Variants in SLC25A12 observed in about 807,000 individuals in gnomAD.
SLC25A12 encodes the protein solute carrier family 25 member 12.
In SLC25A12, 32 loss-of-function variants were observed where a neutral mutation model predicts 83.3. That is an observed-to-expected ratio of 0.38 (90% CI 0.29 to 0.52). SLC25A12 has a LOEUF of 0.52. Ranked by LOEUF, SLC25A12 falls within the 20% of genes least tolerant of loss-of-function variation. SLC25A12 has a pLI of 0.84. For synonymous variants in SLC25A12, 267 were observed against 291.1 expected (o/e 0.92, Z 0.84); for missense variants, 611 against 835.6 (o/e 0.73, Z 3.31).
intron 4 of SLC25A12, among the ~76,000 whole-genome samples, chr2:171,849,896 G>T (rs866302326): frequency 1.1e-4 from 17 of 151,682 alleles, no homozygotes; most frequent in Middle Eastern, 6.8e-3. Context: ...CTGCCTCCCA[G>T]GTTCAAGAGA....
chr2:171,801,160 A>T (rs1683701850), intron 13 of SLC25A12, among the ~76,000 whole-genome samples: 1 of 152,252 alleles, frequency 6.6e-6, no homozygotes, highest in South Asian at 2.1e-4. Context: ...GGAAAGAGGC[A>T]AGAAAGTCAC....
chr2:171,810,370 A>C, intron 11 of SLC25A12, 94 bp from the exon 12 acceptor site: 1 of 981,646 alleles, frequency 1.0e-6, no homozygotes, highest in Non-Finnish European at 1.7e-6. Flanking sequence ...TTATTTACCC[A>C]TCAAACATTG....
In SLC25A12 at chr2:171,809,054, A is replaced by G. The variant is rs371707072; in HGVS notation, c.1305+552T>C. On this transcript the variant is annotated intron_variant, in intron 13 of 17. Transcript: ENST00000422440. ...GGAACTCATCCTTTTTTATGGCTGC[A>G]TATTATTCCATGGTGTATATGTGCC... Among the ~76,000 whole-genome samples, 3 of 152,154 alleles carry G rather than the reference A, an allele frequency of 2.0e-5. No individual in the cohort carries two copies. The East Asian group carries it at 5.8e-4, about 29-fold the overall frequency.
At chr2:171,806,225 C>G (rs549041359) in intron 13 of SLC25A12, among the ~76,000 whole-genome samples, 34 of 152,264 alleles carry the variant, frequency 2.2e-4, no homozygotes, top group Non-Finnish European at 3.2e-4. Flanking sequence ...TTTGGGAGGC[C>G]GAGGCCGGTG....
At chr2:171,829,315 G>A (rs1684381345) in intron 8 of SLC25A12, among the ~76,000 whole-genome samples, 2 of 152,040 alleles carry the variant, frequency 1.3e-5, no homozygotes, top group South Asian at 4.2e-4. Context: ...GGCCTTCATG[G>A]CCCTATATCA....
At chr2:171,880,794 A>C (rs1685678288) in intron 2 of SLC25A12, among the ~76,000 whole-genome samples, 1 of 152,212 alleles carries the variant, frequency 6.6e-6, no homozygotes, top group African/African-American at 2.4e-5. Context: ...TTTCATAACA[A>C]AGTTATTTAA....
intron 2 of SLC25A12, among the ~76,000 whole-genome samples, chr2:171,882,962 C>T (rs1685727290): frequency 6.6e-6 from 1 of 152,132 alleles, no homozygotes; most frequent in South Asian, 2.1e-4. Flanking sequence ...CATGGTCTCT[C>T]GGGTCTCCCA....
At chr2:171,811,929 G>GA (rs889780317) in intron 11 of SLC25A12, among the ~76,000 whole-genome samples, 7 of 151,944 alleles carry the variant, frequency 4.6e-5, no homozygotes, top group African/African-American at 1.4e-4. Context: ...AGATATCAAG[G>GA]AAAAAAACAA....
intron 4 of SLC25A12, among the ~76,000 whole-genome samples, chr2:171,851,507 AAAAG>A (rs1191744047): frequency 5.5e-5 from 8 of 145,390 alleles, no homozygotes; most frequent in Admixed American, 6.9e-5. Flanking sequence ...AAAAAAAAAA[AAAAG>A]GATTAAATCT....
intron 2 of SLC25A12, among the ~76,000 whole-genome samples, chr2:171,879,229 C>T (rs1685638032): frequency 6.6e-6 from 1 of 152,132 alleles, no homozygotes; most frequent in South Asian, 2.1e-4. Flanking sequence ...TTGTATAAAT[C>T]TAATTTTGAT....
At position 171,784,279 on chromosome 2, in the gene SLC25A12, C is replaced by T. The variant is rs886055122; in HGVS notation, c.*995G>A. On this transcript the variant is annotated 3_prime_UTR_variant, in exon 18 of 18. Transcript: ENST00000422440. ...TTTTCTATAAAGGTGGAAGAAAGGG[C>T]GAACCCGATCATGAGTTATTTGCAA... The T allele has an allele frequency of 2.0e-5, 3 of 152,290 alleles. No homozygotes were observed. Among genetic ancestry groups the T allele is most frequent in the Admixed American group, 6.5e-5 (1 of 15,300 alleles). The allele number at this position is 152,290 out of a possible 1,614,324, so 9.4% of individuals were successfully genotyped here.
chr2:171,814,940 T>C (rs1684019239), intron 10 of SLC25A12, among the ~76,000 whole-genome samples, 181 bp downstream of exon 10: 1 of 152,220 alleles, frequency 6.6e-6, no homozygotes, highest in Admixed American at 6.5e-5. Context: ...TGGAGCCAGA[T>C]GGTCATAGCC....
In SLC25A12 at chr2:171,844,354, G is replaced by A. The variant is rs1431456826; in HGVS notation, c.465+15C>T. 2 of 1,613,316 alleles carry A rather than the reference G, an allele frequency of 1.2e-6. No individual in the cohort carries two copies. The highest frequency in any genetic ancestry group is 1.7e-5 in the Admixed American group (1 of 59,986). On this transcript the variant is annotated intron_variant, in intron 5 of 17. Transcript: ENST00000422440. Reference sequence around the variant, plus strand: ...AATAGTATATATTGATACCTGTTATGAAAACTAAGCTCACCTGGAGAAACT... The same window carrying A: ...AATAGTATATATTGATACCTGTTATAAAAACTAAGCTCACCTGGAGAAACT...
intron 2 of SLC25A12, among the ~76,000 whole-genome samples, chr2:171,881,645 C>T (rs932311429): frequency 6.6e-6 from 1 of 152,128 alleles, no homozygotes. Context: ...ACAGAATGTT[C>T]TATTTTTTTA....
chr2:171,881,751 C>T (rs1457351462), intron 2 of SLC25A12, among the ~76,000 whole-genome samples: 3 of 152,154 alleles, frequency 2.0e-5, no homozygotes, highest in Admixed American at 2.0e-4. Context: ...ACCTCTAGCA[C>T]CTTGCACAGT....
chr2:171,834,919 T>C, intron 6 of SLC25A12, 54 bp from the exon 7 acceptor site: 1 of 1,564,152 alleles, frequency 6.4e-7, no homozygotes, highest in Non-Finnish European at 8.7e-7. Context: ...AAAAACACGT[T>C]TATGGACACT....
intron 2 of SLC25A12, among the ~76,000 whole-genome samples, chr2:171,884,802 G>A (rs1685779171): frequency 6.6e-6 from 1 of 151,816 alleles, no homozygotes; most frequent in Non-Finnish European, 1.5e-5. Flanking sequence ...AGAATGTGAG[G>A]TTCTACCTTC....
chr2:171,863,851 C>A (rs1685222855), intron 3 of SLC25A12, among the ~76,000 whole-genome samples: 1 of 152,096 alleles, frequency 6.6e-6, no homozygotes, highest in African/African-American at 2.4e-5. Flanking sequence ...AGTGAATGAT[C>A]CACAGTGATT....
intron 9 of SLC25A12, 121 bp downstream of exon 9, chr2:171,826,677 G>A (rs1558921350): frequency 1.4e-6 from 1 of 713,156 alleles, no homozygotes; most frequent in Non-Finnish European, 2.6e-6. Flanking sequence ...TTTAAGCTAA[G>A]TAAAGTCTTT....
Sources: allele counts gnomAD v4.1 joint callset (sites outside exome capture counted in the v4.1 genomes callset), GRCh38; gene constraint gnomAD v4.1.1; transcripts MANE v1.5; gene names NCBI Gene and HGNC (gene_info 2026-07-23, HGNC 2026-07-21).